Variants in CD99 observed in about 807,000 individuals in gnomAD.
The protein encoded by CD99 is CD99 antigen.
A neutral mutation model predicts 28.4 loss-of-function variants in CD99; 19 were observed. The ratio of observed to expected loss-of-function variants is 0.67; its 90% CI spans 0.47 to 0.98. The LOEUF is 0.98. CD99 is among the 50% of genes least tolerant of loss of function. The pLI is 0.00. For missense variants in CD99, 283 were observed against 248.8 expected (o/e 1.14, Z -0.92); for synonymous variants, 103 against 92.1 (o/e 1.12, Z -0.67).
At chrX:2,735,432 C>G (rs1008089675) in intron 8 of CD99, among the ~76,000 whole-genome samples, 3 of 152,172 alleles carry the variant, frequency 2.0e-5, no homozygotes, top group Admixed American at 2.0e-4. Flanking sequence ...GAGACCAGTT[C>G]TCCTCCTGAG....
At chrX:2,708,311 G>A (rs1463822573) in intron 1 of CD99, among the ~76,000 whole-genome samples, 8 of 152,072 alleles carry the variant, frequency 5.3e-5, no homozygotes, top group South Asian at 4.2e-4. Flanking sequence ...ATATGAAATC[G>A]AGAGCGGGTC....
rs2050042647 is a variant in CD99, at chrX:2,738,219, C to T, written c.495C>T (p.Asp165=). 2 of 1,613,882 alleles carry T rather than the reference C, an allele frequency of 1.2e-6. No individual in the cohort carries two copies. The highest frequency in any genetic ancestry group is 1.7e-4 in the Middle Eastern group (1 of 6,052). Residue 165 remains aspartate (D), a synonymous_variant, in exon 9 of 10, where the codon GAC becomes GAT. Transcript: ENST00000381192. ...TTTCAGCAGAACAAGGGGAGGTGGA[C>T]ATGGAGAGCCACCGGAATGCCAACG... is the stretch of plus-strand genomic sequence containing the variant. ...FKENAEQGEV[D]MESHRNANAE...
chrX:2,732,522 C>T (rs1282000801), intron 8 of CD99, among the ~76,000 whole-genome samples: 1 of 149,812 alleles, frequency 6.7e-6, no homozygotes, highest in South Asian at 2.2e-4. Flanking sequence ...TTCTCTCTTC[C>T]TTCCCTGCTT....
intron 1 of CD99, among the ~76,000 whole-genome samples, chrX:2,701,774 C>T (rs2047875714): frequency 6.6e-6 from 1 of 152,198 alleles, no homozygotes; most frequent in South Asian, 2.1e-4. Flanking sequence ...CTGCCTAAGG[C>T]CCGTCTTTGG....
In CD99 at chrX:2,726,319, G is replaced by C; in HGVS notation, c.421G>C (p.Ala141Pro). 1 of 1,612,200 alleles carries C rather than the reference G, an allele frequency of 6.2e-7. No homozygotes were observed. Among genetic ancestry groups the C allele is most frequent in the Non-Finnish European group, 8.5e-7 (1 of 1,179,710 alleles). ...GGCTGTCGTGGTCGCCGTGGCTGGA[G>C]CCATCTCTAGCTTCATTGCTTACCA... ...VGAVVVAVAGAISSFIAYQKK... is the reference protein window; with the variant it reads ...VGAVVVAVAGPISSFIAYQKK... The change falls in exon 8 of 10, where the codon GCC becomes CCC. Residue 141 changes from alanine to proline, a missense_variant. Physicochemically the swap from Ala to Pro is conservative, Grantham distance 27 (BLOSUM62 -1). Coordinates refer to ENST00000381192, the MANE Select transcript of CD99 (RefSeq NM_002414.5).
chrX:2,717,405 C>G, intron 2 of CD99, 200 bp from the exon 3 acceptor site: 1 of 578,916 alleles, frequency 1.7e-6, no homozygotes, highest in Admixed American at 3.0e-5. Context: ...AAACCATGGC[C>G]GGTAGCAGCC....
intron 7 of CD99, 124 bp from the exon 8 acceptor site, chrX:2,726,136 G>C: frequency 1.6e-6 from 1 of 644,928 alleles, no homozygotes; most frequent in South Asian, 1.9e-5. Flanking sequence ...GTCAGCTCAG[G>C]CGTCTGAGAT....
chrX:2,691,891 C>T, intron 1 of CD99: 4 of 779,266 alleles, frequency 5.1e-6, no homozygotes, highest in Non-Finnish European at 9.6e-6. Context: ...TCGCTAGGAG[C>T]CTGAGACCCG....
rs190098980 is a variant in CD99, at chrX:2,701,215, C to G, written c.67+9788C>G. Among the ~76,000 whole-genome samples, 4 of 151,974 alleles carry G rather than the reference C, an allele frequency of 2.6e-5. No homozygotes were observed. In the East Asian group the frequency reaches 5.8e-4, roughly 22 times the overall value. On this transcript the variant is annotated intron_variant, in intron 1 of 9. Transcript: ENST00000381192. Reference sequence around the variant, plus strand: ...TTTATCCACTCACCCACGCATGCATCCATCCATCCATCCATCCACCCACCC... The same window carrying G: ...TTTATCCACTCACCCACGCATGCATGCATCCATCCATCCATCCACCCACCC...
Position 2,726,351 on chromosome X carries a change from G to T in CD99, c.453G>T (p.Lys151Asn). ...CTAGCTTCATTGCTTACCAGAAAAA[G>T]AAGCTATGCTTCAAAGAAAATGGTA... The part of the protein sequence containing the change: ...AISSFIAYQK[K>N]KLCFKENAEQ... Residue 151 changes from lysine to asparagine, a missense_variant, in exon 8 of 10, where the codon AAG becomes AAT. Physicochemically the swap from Lys to Asn is moderately conservative, Grantham distance 94. Transcript: ENST00000381192. The T allele has an allele frequency of 3.7e-6, 6 of 1,609,530 alleles. No individual in the cohort carries two copies. The highest frequency in any genetic ancestry group is 5.1e-6 in the Non-Finnish European group (6 of 1,176,978).
At chrX:2,731,032 A>G (rs1263681034) in intron 8 of CD99, among the ~76,000 whole-genome samples, 2 of 152,202 alleles carry the variant, frequency 1.3e-5, no homozygotes, top group East Asian at 3.9e-4. Context: ...GCATCCACTC[A>G]CAGCTTGGTT....
At chrX:2,731,933 A>C (rs904238156) in intron 8 of CD99, among the ~76,000 whole-genome samples, 1 of 151,782 alleles carries the variant, frequency 6.6e-6, no homozygotes, top group African/African-American at 2.4e-5. Context: ...ATTAAAAGTA[A>C]TAGCAACATA....
chrX:2,696,781 G>C (rs1221617307), intron 1 of CD99, among the ~76,000 whole-genome samples: 1 of 152,144 alleles, frequency 6.6e-6, no homozygotes, highest in Non-Finnish European at 1.5e-5. Flanking sequence ...GAGACCAGAA[G>C]GACTTCCTCT....
intron 8 of CD99, chrX:2,733,210 A>C: frequency 1.2e-6 from 1 of 807,420 alleles, no homozygotes; most frequent in South Asian, 1.6e-5. Flanking sequence ...TCACACTTTG[A>C]GCCTCTATCC....
At chrX:2,706,370 A>G (rs1473501044) in intron 1 of CD99, among the ~76,000 whole-genome samples, 2 of 150,644 alleles carry the variant, frequency 1.3e-5, no homozygotes, top group Non-Finnish European at 3.0e-5. Context: ...AAAAAAAGGA[A>G]AAAACAAAAA....
chrX:2,701,798 G>A (rs2047877280), intron 1 of CD99, among the ~76,000 whole-genome samples: 1 of 152,236 alleles, frequency 6.6e-6, no homozygotes, highest in Admixed American at 6.5e-5. Context: ...ACAGCATGCA[G>A]AACAGGTGGG....
chrX:2,734,620 CT>C (rs768456773), intron 8 of CD99, among the ~76,000 whole-genome samples: 3,528 of 142,402 alleles, frequency 0.025, 123 homozygotes, highest in African/African-American at 0.073. Context: ...TTTCTTTTTT[CT>C]TTTTTTTTTT....
At chrX:2,701,944 C>T (rs1338455697) in intron 1 of CD99, among the ~76,000 whole-genome samples, 1 of 152,214 alleles carries the variant, frequency 6.6e-6, no homozygotes, top group African/African-American at 2.4e-5. Flanking sequence ...CACACGTTTG[C>T]ATCACATGGG....
chrX:2,714,411 TTC>T lies in CD99; in HGVS notation c.68-5_68-4del. On this transcript the variant is annotated splice_polypyrimidine_tract_variant and intron_variant, in intron 1 of 9. Coordinates refer to ENST00000381192, the MANE Select transcript of CD99 (RefSeq NM_002414.5). Reference sequence around the variant, plus strand: ...TCTTGTTTCTAAGTTGACTCTTTTTTTCTCTCTTAGATGGTGGTTTCGATTTA... The same window carrying T: ...TCTTGTTTCTAAGTTGACTCTTTTTTTCTCTTAGATGGTGGTTTCGATTTA... 6.3e-7 allele frequency: 1 copy of T among 1,579,882 alleles called. No homozygotes were observed. The highest frequency in any genetic ancestry group is 8.7e-7 in the Non-Finnish European group (1 of 1,154,828).
Sources: gnomAD v4.1 joint callset for allele counts (sites outside exome capture counted in the v4.1 genomes callset) on GRCh38, gnomAD v4.1.1 for gene constraint, MANE v1.5 for transcripts, NCBI Gene and HGNC (gene_info 2026-07-23, HGNC 2026-07-21) for gene names.